Variants in MAGI2 observed in about 807,000 individuals in gnomAD.
MAGI2 encodes membrane associated guanylate kinase, WW and PDZ domain containing 2.
A neutral mutation model predicts 133.3 loss-of-function variants in MAGI2; 35 were observed. The ratio of observed to expected loss-of-function variants is 0.26; its 90% confidence interval spans 0.20 to 0.35. The LOEUF (loss-of-function observed/expected upper bound fraction) is 0.35. Among genes scored for constraint, MAGI2 ranks in the 10% least tolerant of loss-of-function variants. The pLI, the probability that MAGI2 is intolerant of heterozygous loss-of-function variation, is 1.00. For synonymous variants in MAGI2, 729 were observed against 710.6 expected (o/e 1.03, Z -0.41); for missense variants, 1,636 against 1,863.4 (o/e 0.88, Z 2.25).
intron 15 of MAGI2, among the ~76,000 whole-genome samples, chr7:78,163,245 C>A (rs771810925): frequency 6.6e-6 from 1 of 152,118 alleles, no homozygotes; most frequent in African/African-American, 2.4e-5. Flanking sequence ...TCATGCCGTT[C>A]TCCTGTCTTA....
At chr7:78,442,998 T>G (rs985092636) in intron 6 of MAGI2, among the ~76,000 whole-genome samples, 1 of 152,298 alleles carries the variant, frequency 6.6e-6, no homozygotes, top group Non-Finnish European at 1.5e-5. Flanking sequence ...AGATACCAAG[T>G]GGCCTGTCAG....
intron 1 of MAGI2, among the ~76,000 whole-genome samples, chr7:79,231,831 T>C (rs959860498): frequency 1.1e-4 from 16 of 151,550 alleles, no homozygotes; most frequent in Admixed American, 1.3e-4. Flanking sequence ...TAACACTATG[T>C]TGAATAGGAG....
At chr7:78,739,095 T>C (rs1822147033) in intron 2 of MAGI2, among the ~76,000 whole-genome samples, 1 of 152,210 alleles carries the variant, frequency 6.6e-6, no homozygotes, top group Admixed American at 6.5e-5. Flanking sequence ...CATTGATTGT[T>C]TTCAAGTATT....
rs1164967830 is a variant in MAGI2 at position 78,131,508 on chromosome 7, A to G, written c.3203+1381T>C. ...ACTTCATCTTCGCCATCATGGGAGG[A>G]GAGGGATGGGAAGCAGATGTTCAGA... On this transcript the variant is annotated intron_variant, in intron 18 of 21. Transcript: ENST00000354212. 2.6e-5 allele frequency among the ~76,000 whole-genome samples: 4 copies of G among 152,276 alleles called. No individual in the cohort carries two copies. The East Asian group carries it at 7.7e-4, about 29-fold the overall frequency.
rs1005088476 is a variant in MAGI2, at chr7:78,922,462, G to A, written c.418+84628C>T. Among the ~76,000 whole-genome samples, 149 of 151,286 alleles carry A rather than the reference G, an allele frequency of 9.8e-4. 1 individual carries two copies. Among genetic ancestry groups the A allele is most frequent in the African/African-American group, 3.5e-3 (144 of 41,186 alleles). ...GCGGTGTTTGGTTTTTTGTCCTTGC[G>A]ATAGTTTACTGAGAATGATGATTTC... On this transcript the variant is annotated intron_variant, in intron 2 of 21. Coordinates refer to ENST00000354212, the MANE Select transcript of MAGI2 (RefSeq NM_012301.4).
chr7:79,244,480 C>T (rs931268985), intron 1 of MAGI2, among the ~76,000 whole-genome samples: 3 of 152,094 alleles, frequency 2.0e-5, no homozygotes, highest in Non-Finnish European at 2.9e-5. Context: ...TGGGACTTTG[C>T]ATTGGAACTT....
chr7:78,978,823 C>A (rs1804525170), intron 2 of MAGI2, among the ~76,000 whole-genome samples: 1 of 151,838 alleles, frequency 6.6e-6, no homozygotes. Flanking sequence ...TGCAAGGGAA[C>A]TCTGTGTCAG....
At chr7:79,214,381 C>CTCTG (rs1829780208) in intron 1 of MAGI2, among the ~76,000 whole-genome samples, 1 of 86,774 alleles carries the variant, frequency 1.2e-5, no homozygotes, top group Non-Finnish European at 2.2e-5. Context: ...CTCTCTCTCT[C>CTCTG]TCTCTCTCTC....
rs562700976 is a variant in MAGI2 at position 78,415,699 on chromosome 7, G to A, written c.1046-46486C>T. On this transcript the variant is annotated intron_variant, in intron 6 of 21. Transcript: ENST00000354212. Reference sequence around the variant, plus strand: ...GACATCCTCAGCTTCACACAGAAGAGCAAGTAGATTTGTCAGCAGTGGTGG... The same window carrying A: ...GACATCCTCAGCTTCACACAGAAGAACAAGTAGATTTGTCAGCAGTGGTGG... Among the ~76,000 whole-genome samples the A allele has an allele frequency of 3.3e-5, 5 of 152,234 alleles. No homozygotes were observed. In the South Asian group the frequency reaches 1.0e-3, roughly 32 times the overall value.
intron 1 of MAGI2, among the ~76,000 whole-genome samples, chr7:79,099,847 T>C (rs1389885433): frequency 6.6e-6 from 1 of 152,202 alleles, no homozygotes; most frequent in African/African-American, 2.4e-5. Flanking sequence ...TACCATAACT[T>C]TTAAAATTCT....
At chr7:79,037,891 C>G (rs1165534947) in intron 1 of MAGI2, among the ~76,000 whole-genome samples, 1 of 152,110 alleles carries the variant, frequency 6.6e-6, no homozygotes, top group Non-Finnish European at 1.5e-5. Context: ...AGGATTATAT[C>G]TTATGATGCC....
intron 20 of MAGI2, among the ~76,000 whole-genome samples, chr7:78,116,359 A>G (rs1819869036): frequency 2.0e-4 from 1 of 5,078 alleles, no homozygotes; most frequent in Non-Finnish European, 9.2e-4. Context: ...CCAACTTAGG[A>G]AAAAAAAAAA....
At chr7:79,123,785 CAAAAA>C (rs71095377) in intron 1 of MAGI2, among the ~76,000 whole-genome samples, 62 of 60,766 alleles carry the variant, frequency 1.0e-3, no homozygotes, top group Non-Finnish European at 1.5e-3. Flanking sequence ...GACTCCATCT[CAAAAA>C]AAAAAAAAAA....
In MAGI2 at chr7:78,198,961, A is replaced by C. The variant is rs534918143; in HGVS notation, c.2079+2201T>G. Among the ~76,000 whole-genome samples the C allele has an allele frequency of 2.0e-5, 3 of 152,356 alleles. No individual in the cohort carries two copies. In the East Asian group the frequency reaches 5.8e-4, roughly 29 times the overall value. On this transcript the variant is annotated intron_variant, in intron 11 of 21. Transcript: ENST00000354212. ...GACTATCTTGACATGGAATAGCATA[A>C]GATGTGAATCAGTAGGACAGAAAAG...
chr7:78,092,893 A>G (rs1313509307), intron 20 of MAGI2, among the ~76,000 whole-genome samples: 1 of 152,094 alleles, frequency 6.6e-6, no homozygotes, highest in East Asian at 1.9e-4. Context: ...CCTGCATCCA[A>G]TGAAGTATTA....
intron 20 of MAGI2, among the ~76,000 whole-genome samples, chr7:78,106,931 C>T (rs533580565): frequency 2.0e-5 from 3 of 152,200 alleles, no homozygotes; most frequent in African/African-American, 7.2e-5. Context: ...GAAATCTTTG[C>T]CCAGACCAAT....
chr7:79,229,424 G>A (rs1302729881), intron 1 of MAGI2, among the ~76,000 whole-genome samples: 2 of 152,104 alleles, frequency 1.3e-5, no homozygotes, highest in Admixed American at 1.3e-4. Flanking sequence ...ACAAGAGATC[G>A]GCATAGAAGG....
chr7:78,879,510 C>T lies in MAGI2; in HGVS notation c.418+127580G>A, dbSNP rs115170026. On this transcript the variant is annotated intron_variant, in intron 2 of 21. Transcript: ENST00000354212. ...GACCCTACCCAACATTCTCTACAGG[C>T]ACTCAATTAGGGAGGAGGGCAAGAG... Among the ~76,000 whole-genome samples, 168 of 151,826 alleles carry T rather than the reference C, an allele frequency of 1.1e-3. 2 individuals carry two copies. Among genetic ancestry groups the T allele is most frequent in the African/African-American group, 3.8e-3 (159 of 41,366 alleles).
intron 2 of MAGI2, among the ~76,000 whole-genome samples, chr7:78,981,087 C>CT (rs1804744325): frequency 1.3e-5 from 2 of 151,494 alleles, no homozygotes; most frequent in Non-Finnish European, 2.9e-5. Flanking sequence ...GCTCTTCTGA[C>CT]TTTCTTCTAT....
Sources: allele counts gnomAD v4.1 joint callset (sites outside exome capture counted in the v4.1 genomes callset), GRCh38; gene constraint gnomAD v4.1.1; transcripts MANE v1.5; gene names NCBI Gene and HGNC (gene_info 2026-07-23, HGNC 2026-07-21).